PLEKHH2: variants seen among roughly 807,000 people sequenced by gnomAD.
PLEKHH2 encodes pleckstrin homology, MyTH4 and FERM domain containing H2.
In PLEKHH2, 129 loss-of-function variants were observed where a neutral mutation model predicts 187.9. The ratio of observed to expected loss-of-function variants is 0.69; its 90% CI spans 0.59 to 0.79. PLEKHH2 has a LOEUF of 0.79. PLEKHH2 is among the 30% of genes least tolerant of loss of function. The pLI is 0.00. For missense variants in PLEKHH2, 2,076 were observed against 1,751.2 expected, an observed-to-expected ratio of 1.19 and a Z score of -3.31; for synonymous variants, 686 against 605.6, an observed-to-expected ratio of 1.13 and a Z score of -1.95.
intron 17 of PLEKHH2, among the ~76,000 whole-genome samples, chr2:43,727,199 G>A (rs1670794481): frequency 6.6e-6 from 1 of 152,116 alleles, no homozygotes; most frequent in Non-Finnish European, 1.5e-5. Context: ...GGATCACAAG[G>A]TCAGGAAGAT....
rs117096708 is a variant in PLEKHH2 at position 43,659,916 on chromosome 2, G to A, written c.123+15120G>A. ...AAGTTAATTGAGTACATATGTAAAA[G>A]TCACCCTTTTGGGTGTTTAGTTCAA... is the stretch of plus-strand genomic sequence containing the variant. On this transcript the variant is annotated intron_variant, in intron 2 of 29. Transcript: ENST00000282406. Among the ~76,000 whole-genome samples the A allele has an allele frequency of 6.7e-4, 102 of 152,244 alleles. No homozygotes were observed. In the East Asian group the frequency reaches 0.015, roughly 23 times the overall value.
chr2:43,656,187 C>A (rs1666749737), intron 2 of PLEKHH2, among the ~76,000 whole-genome samples: 1 of 152,112 alleles, frequency 6.6e-6, no homozygotes, highest in African/African-American at 2.4e-5. Context: ...GAACTCCTGA[C>A]CTCAAGTGAT....
chr2:43,691,646 A>G (rs935768721), intron 3 of PLEKHH2, among the ~76,000 whole-genome samples: 12 of 152,210 alleles, frequency 7.9e-5, no homozygotes, highest in African/African-American at 2.9e-4. Context: ...TCCCGCCTCT[A>G]TCATTATCAC....
intron 15 of PLEKHH2, among the ~76,000 whole-genome samples, chr2:43,715,979 G>T (rs144969370): frequency 6.6e-6 from 1 of 152,214 alleles, no homozygotes; most frequent in East Asian, 1.9e-4. Flanking sequence ...AGAGGTCTGA[G>T]AGTAATGCCT....
Position 43,766,583 on chromosome 2 carries a change from C to G in PLEKHH2, c.*985C>G, listed in dbSNP as rs61187167. 2 of 152,294 alleles carry G rather than the reference C, an allele frequency of 1.3e-5. No homozygotes were observed. Among genetic ancestry groups the G allele is most frequent in the African/African-American group, 4.8e-5 (2 of 41,324 alleles). 9.4% of individuals were successfully genotyped at this position (152,294 alleles called of 1,614,324 possible). ...TGCTGGGATTACAAGTGTGAGCCAC[C>G]ACACCTGGCTCCAGAAATTTTATTT... On this transcript the variant is annotated 3_prime_UTR_variant, in exon 30 of 30. Transcript: ENST00000282406.
rs377250307 is a variant in PLEKHH2 at position 43,707,482 on chromosome 2, C to T, written c.1903C>T (p.Arg635Trp). The T allele has an allele frequency of 9.3e-6, 15 of 1,613,970 alleles. No individual in the cohort carries two copies. The highest frequency in any genetic ancestry group is 5.3e-5 in the African/African-American group (4 of 74,896). Reference sequence around the variant, plus strand: ...AGAAGACAGCTCCAGATCCAGCTCCCGGACGTCAGAGTCAGACTCACGCAG... The same window carrying T: ...AGAAGACAGCTCCAGATCCAGCTCCTGGACGTCAGAGTCAGACTCACGCAG... ...EEEDSSRSSS[R>W]TSESDSRSRS... Residue 635 changes from arginine to tryptophan, a missense_variant, in exon 11 of 30, where the codon CGG (arginine) becomes TGG (tryptophan). Arg to Trp is a moderately radical substitution (Grantham distance 101). Transcript: ENST00000282406.
At chr2:43,654,963 G>T (rs555026067) in intron 2 of PLEKHH2, among the ~76,000 whole-genome samples, 1 of 152,126 alleles carries the variant, frequency 6.6e-6, no homozygotes, top group African/African-American at 2.4e-5. Context: ...GGAGATGGAG[G>T]TTGCAGTGAG....
At chr2:43,700,801 T>C (rs1286529573) in intron 8 of PLEKHH2, among the ~76,000 whole-genome samples, 193 bp downstream of exon 8, 10 of 152,084 alleles carry the variant, frequency 6.6e-5, no homozygotes. Flanking sequence ...AGGCATGCAC[T>C]ACCATGCCTG....
At chr2:43,707,360 A>G (rs768384916) in intron 10 of PLEKHH2, 41 bp from the exon 11 acceptor site, 1 of 1,612,140 alleles carries the variant, frequency 6.2e-7, no homozygotes, top group Admixed American at 1.7e-5. Context: ...GAGTGGTAAC[A>G]TTAGGGATGG....
chr2:43,720,755 T>A lies in PLEKHH2; in HGVS notation c.2541+6T>A. The A allele has an allele frequency of 5.6e-6, 9 of 1,597,460 alleles. No individual in the cohort carries two copies. Among genetic ancestry groups the A allele is most frequent in the Non-Finnish European group, 7.7e-6 (9 of 1,175,268 alleles). Reference sequence around the variant, plus strand: ...TTCGGAGTCAAGAAGATAAGGTATGTATGTATTTTTAATATGCCAATTGAA... The same window carrying A: ...TTCGGAGTCAAGAAGATAAGGTATGAATGTATTTTTAATATGCCAATTGAA... On this transcript the variant is annotated splice_donor_region_variant and intron_variant, in intron 16 of 29. Coordinates refer to ENST00000282406, the MANE Select transcript of PLEKHH2 (RefSeq NM_172069.4).
intron 18 of PLEKHH2, among the ~76,000 whole-genome samples, chr2:43,730,552 C>G (rs897861950): frequency 6.6e-6 from 1 of 152,208 alleles, no homozygotes; most frequent in Non-Finnish European, 1.5e-5. Flanking sequence ...GCATGCACCA[C>G]CATGCCCGAC....
At chr2:43,729,559 T>C (rs1402066471) in intron 17 of PLEKHH2, 78 bp from the exon 18 acceptor site, 4 of 933,564 alleles carry the variant, frequency 4.3e-6, no homozygotes, top group Non-Finnish European at 6.1e-6. Context: ...CAAAGTTTTC[T>C]ACTGTTTATG....
chr2:43,736,306 G>T (rs1211423881), intron 19 of PLEKHH2, among the ~76,000 whole-genome samples: 2 of 152,226 alleles, frequency 1.3e-5, no homozygotes, highest in African/African-American at 2.4e-5. Context: ...TTTGGGCCAT[G>T]ATGGAGCCAC....
intron 18 of PLEKHH2, among the ~76,000 whole-genome samples, chr2:43,730,475 T>G (rs546985723): frequency 6.6e-6 from 1 of 152,238 alleles, no homozygotes; most frequent in African/African-American, 2.4e-5. Flanking sequence ...CTCCGCTCAC[T>G]GCAACCTCTG....
At chr2:43,660,206 C>A (rs1314615143) in intron 2 of PLEKHH2, among the ~76,000 whole-genome samples, 4 of 152,150 alleles carry the variant, frequency 2.6e-5, no homozygotes, top group African/African-American at 9.7e-5. Context: ...TTGTCTGTAT[C>A]TATAGTTTGT....
chr2:43,641,825 T>C (rs911543648), intron 1 of PLEKHH2, among the ~76,000 whole-genome samples: 1 of 152,238 alleles, frequency 6.6e-6, no homozygotes, highest in African/African-American at 2.4e-5. Context: ...GACTTAACTT[T>C]ATTCTGTTTA....
intron 7 of PLEKHH2, among the ~76,000 whole-genome samples, 159 bp downstream of exon 7, chr2:43,697,515 G>T (rs1306176586): frequency 6.6e-6 from 1 of 152,154 alleles, no homozygotes; most frequent in African/African-American, 2.4e-5. Context: ...TTAACTTTGT[G>T]TGTCTAATTA....
At position 43,637,339 on chromosome 2, in the gene PLEKHH2, A is replaced by T. The variant is rs1558391855; in HGVS notation, c.-44A>T. The T allele has an allele frequency of 6.6e-6, 1 of 152,378 alleles. No homozygotes were observed. 9.4% of individuals were successfully genotyped at this position (152,378 alleles called of 1,614,324 possible). A position where few individuals can be genotyped will look rare whatever the true frequency, so the allele number is the denominator to read the frequency against. ...CCCGGGGGCCAGTCGCGGCCGGGAC[A>T]TCGGGCGCTGCGGCCGGGGACCCGC... On this transcript the variant is annotated 5_prime_UTR_variant, in exon 1 of 30. Coordinates refer to ENST00000282406, the MANE Select transcript of PLEKHH2 (RefSeq NM_172069.4).
chr2:43,669,843 A>G (rs1031898644), intron 2 of PLEKHH2, among the ~76,000 whole-genome samples: 1 of 152,170 alleles, frequency 6.6e-6, no homozygotes, highest in Admixed American at 6.5e-5. Context: ...GAAACTTTTA[A>G]ACATCAAAAT....
Sources: gnomAD v4.1 joint callset for allele counts (sites outside exome capture counted in the v4.1 genomes callset) on GRCh38, gnomAD v4.1.1 for gene constraint, MANE v1.5 for transcripts, NCBI Gene and HGNC (gene_info 2026-07-23, HGNC 2026-07-21) for gene names.